The following SBF2 variants were observed in gnomAD, a reference collection of about 807,000 sequenced individuals.
SBF2 encodes SET binding factor 2.
Under a neutral mutation model 225.2 loss-of-function variants are expected in SBF2, and 112 were observed. The ratio of observed to expected loss-of-function variants is 0.50; its 90% CI spans 0.43 to 0.58. The LOEUF (loss-of-function observed/expected upper bound fraction) is 0.58. Ranked by LOEUF, SBF2 falls within the 20% of genes least tolerant of loss-of-function variation. The pLI, the probability that SBF2 is intolerant of heterozygous loss-of-function variation, is 0.00. For missense variants in SBF2, 1,996 were observed against 2,206.2 expected, an observed-to-expected ratio of 0.90 and a Z score of 1.91; for synonymous variants, 763 against 773.3, an observed-to-expected ratio of 0.99 and a Z score of 0.22.
chr11:9,781,428 C>T, intron 39 of SBF2, 79 bp downstream of exon 39: 1 of 1,590,350 alleles, frequency 6.3e-7, no homozygotes. Flanking sequence ...ACCAATTACT[C>T]TGAGGGCTCC....
At chr11:9,872,965 G>A (rs1858899110) in intron 17 of SBF2, among the ~76,000 whole-genome samples, 1 of 152,064 alleles carries the variant, frequency 6.6e-6, no homozygotes, top group Non-Finnish European at 1.5e-5. Context: ...TTTCTGAAAT[G>A]TATACATATA....
intron 2 of SBF2, among the ~76,000 whole-genome samples, chr11:10,095,530 A>G (rs1479643710): frequency 5.8e-5 from 8 of 137,514 alleles, no homozygotes; most frequent in African/African-American, 2.1e-4. Context: ...AAGGAATATC[A>G]CTGAACTCCA....
chr11:10,002,487 C>G, intron 7 of SBF2, 70 bp downstream of exon 7: 1 of 1,258,444 alleles, frequency 7.9e-7, no homozygotes, highest in Non-Finnish European at 1.1e-6. Flanking sequence ...TGTGCCATAA[C>G]ATTATGACTT....
In SBF2 at chr11:9,856,604, C is replaced by T. The variant is rs1857332187; in HGVS notation, c.2217G>A (p.Glu739=). The part of the protein sequence containing the change: ...KSTQQELVQH[E]ESTVFSQAIH... The stretch of plus-strand genomic sequence containing the variant: ...TGGCCTGACTAAAGACAGTGCTTTC[C>T]TCATGTTGCACTAGCTCTTGCTGAG... Residue 739 remains glutamate, a synonymous_variant, in exon 19 of 40, where the codon GAG becomes GAA. Coordinates refer to ENST00000256190, the MANE Select transcript of SBF2 (RefSeq NM_030962.4). 6.2e-7 allele frequency: 1 copy of T among 1,614,026 alleles called. No individual in the cohort carries two copies. The highest frequency in any genetic ancestry group is 1.3e-5 in the African/African-American group (1 of 74,890).
chr11:9,953,855 C>T (rs1865999115), intron 16 of SBF2, among the ~76,000 whole-genome samples: 1 of 152,054 alleles, frequency 6.6e-6, no homozygotes, highest in Non-Finnish European at 1.5e-5. Flanking sequence ...TGAGAAGGTT[C>T]CTCATCGTAT....
intron 1 of SBF2, among the ~76,000 whole-genome samples, chr11:10,241,806 C>T (rs1158025136): frequency 6.6e-6 from 1 of 151,990 alleles, no homozygotes; most frequent in Admixed American, 6.5e-5. Flanking sequence ...ACAAAATTAA[C>T]AACCATCTAA....
At chr11:9,873,519 T>A (rs1055274783) in intron 17 of SBF2, among the ~76,000 whole-genome samples, 5 of 152,112 alleles carry the variant, frequency 3.3e-5, no homozygotes, top group African/African-American at 1.2e-4. Flanking sequence ...GGCAGCAGCA[T>A]AGTTGCACAA....
At chr11:9,905,861 C>G (rs1460727419) in intron 16 of SBF2, among the ~76,000 whole-genome samples, 1 of 152,114 alleles carries the variant, frequency 6.6e-6, no homozygotes, top group Non-Finnish European at 1.5e-5. Context: ...ATGAGAACTT[C>G]CTTCAAAGAG....
At chr11:9,907,977 A>G (rs1398499) in intron 16 of SBF2, among the ~76,000 whole-genome samples, 128,689 of 152,250 alleles carry the variant, frequency 0.85, 54,700 homozygotes, top group African/African-American at 0.87. Flanking sequence ...TTGAACCTGG[A>G]TAGTCTTACT....
intron 17 of SBF2, among the ~76,000 whole-genome samples, chr11:9,864,506 C>A (rs777620974): frequency 9.2e-5 from 14 of 152,170 alleles, no homozygotes. Context: ...CTTGCCTCAG[C>A]CTCCTGTGTA....
chr11:9,944,537 G>C (rs183986117), intron 16 of SBF2, among the ~76,000 whole-genome samples: 65 of 152,200 alleles, frequency 4.3e-4, no homozygotes, highest in African/African-American at 1.5e-3. Flanking sequence ...TTTTCAAATA[G>C]TCAAACACAT....
In SBF2 at chr11:10,031,170, C is replaced by G; in HGVS notation, c.280G>C (p.Gly94Arg). ...CCTTCAATCTCTTCCTTCTTTGTTCCCTAGAAAAAGAGACACTGAAATCAA... is the reference window on the plus strand; with the variant it reads ...CCTTCAATCTCTTCCTTCTTTGTTCGCTAGAAAAAGAGACACTGAAATCAA... ...TFYEAEINLQ[G>R]TKKEEIEGEA... The change falls in exon 4 of 40, where the codon GGA becomes CGA. Residue 94 changes from glycine (G) to arginine (R), a missense_variant and splice_region_variant. Transcript: ENST00000256190. 1 of 1,612,948 alleles carries G rather than the reference C, an allele frequency of 6.2e-7. No individual in the cohort carries two copies. The highest frequency in any genetic ancestry group is 8.5e-7 in the Non-Finnish European group (1 of 1,179,436).
chr11:10,203,329 A>G (rs1957633698), intron 1 of SBF2, among the ~76,000 whole-genome samples: 1 of 152,170 alleles, frequency 6.6e-6, no homozygotes, highest in Non-Finnish European at 1.5e-5. Context: ...GAAAAAACGA[A>G]AAAACTTGCA....
intron 1 of SBF2, among the ~76,000 whole-genome samples, chr11:10,224,692 C>T (rs554749075): frequency 6.7e-4 from 102 of 152,234 alleles, no homozygotes; most frequent in African/African-American, 2.4e-3. Context: ...TCGAATTCTT[C>T]ACATGTTAGT....
At chr11:9,925,427 G>A (rs536983615) in intron 16 of SBF2, among the ~76,000 whole-genome samples, 34 of 152,178 alleles carry the variant, frequency 2.2e-4, no homozygotes, top group African/African-American at 7.5e-4. Context: ...ACAGGCATGC[G>A]CCACCACGCC....
rs11042725 is a variant in SBF2, at chr11:10,303,778, C to A, written n.386+714G>T. The stretch of plus-strand genomic sequence containing the variant: ...GTAGGACCCCAGAAACCCACAAGCA[C>A]GAAGCAGGAAGCCCCGTGGCTTAGC... On this transcript the variant is annotated intron_variant and non_coding_transcript_variant, in intron 1 of 5. Transcript: ENST00000685217. This position sits in a 1 kb window ranked among gnomAD's most constrained non-coding sequence, Gnocchi z 5.2. 0.41 allele frequency: 62,075 copies of A among 152,172 alleles called. 13,336 individuals are homozygous for A. Among genetic ancestry groups the A allele is most frequent in the Non-Finnish European group, 0.47 (32,182 of 68,030 alleles). The allele number at this position is 152,172 out of a possible 1,614,324, so 9.4% of individuals were successfully genotyped here. A position where few individuals can be genotyped will look rare whatever the true frequency, so the allele number is the denominator to read the frequency against.
chr11:9,835,721 G>C (rs979256420), intron 26 of SBF2, among the ~76,000 whole-genome samples: 3 of 150,524 alleles, frequency 2.0e-5, no homozygotes, highest in Admixed American at 6.6e-5. Context: ...GGAATCAACA[G>C]AGTTTATTCT....
intron 1 of SBF2, among the ~76,000 whole-genome samples, chr11:10,199,836 T>C (rs1957511452): frequency 6.6e-6 from 1 of 152,134 alleles, no homozygotes; most frequent in South Asian, 2.1e-4. Context: ...TGCATGTTGA[T>C]GGCAATGTCA....
intron 2 of SBF2, among the ~76,000 whole-genome samples, chr11:10,146,603 C>T (rs1274949464): frequency 6.6e-6 from 1 of 152,036 alleles, no homozygotes; most frequent in Non-Finnish European, 1.5e-5. Context: ...AATGTAAAAC[C>T]CAAAACAATA....
Sources: gnomAD v4.1 joint callset for allele counts (sites outside exome capture counted in the v4.1 genomes callset) on GRCh38, gnomAD v4.1.1 for gene constraint, Gnocchi (gnomAD v3.1) non-coding constraint, MANE v1.5 for transcripts, NCBI Gene and HGNC (gene_info 2026-07-23, HGNC 2026-07-21) for gene names.